FAM124A: variants seen among roughly 807,000 people sequenced by gnomAD.
The protein encoded by FAM124A is protein FAM124A.
Under a neutral mutation model 24.5 loss-of-function variants are expected in FAM124A, and 23 were observed. The observed-to-expected ratio is 0.94, with a 90% confidence interval of 0.68 to 1.33. FAM124A has a LOEUF of 1.33. Among genes scored for constraint, FAM124A ranks in the 40% most tolerant of loss-of-function variants. FAM124A has a pLI of 0.00. For missense variants in FAM124A, 623 were observed against 722.8 expected (o/e 0.86, Z 1.58); for synonymous variants, 287 against 314.7 (o/e 0.91, Z 0.93).
chr13:51,252,224 T>C (rs374283988), intron 3 of FAM124A, 23 bp downstream of exon 3: 61 of 1,605,966 alleles, frequency 3.8e-5, no homozygotes, highest in Middle Eastern at 1.7e-4. Flanking sequence ...CGCCTGTCTG[T>C]CTGTTTAGGG....
intron 2 of FAM124A, among the ~76,000 whole-genome samples, chr13:51,250,054 T>C (rs531481967): frequency 6.6e-6 from 1 of 152,354 alleles, no homozygotes; most frequent in Admixed American, 6.5e-5. Context: ...GCTGGACTGT[T>C]TTCAAGTGAG....
rs1282380984 is a variant in FAM124A at position 51,222,455 on chromosome 13, C to T, written c.-47C>T. 1.7e-6 allele frequency: 2 copies of T among 1,192,382 alleles called. No homozygotes were observed. The highest frequency in any genetic ancestry group is 1.0e-6 in the Non-Finnish European group (1 of 963,040). The allele number at this position is 1,192,382 out of a possible 1,614,324, so 73.9% of individuals were successfully genotyped here. A position where few individuals can be genotyped will look rare whatever the true frequency, so the allele number is the denominator to read the frequency against. ...TGGGCGGCCGGGAGGGAGGGCGCCC[C>T]GGGTCACGACGGCGCCCGCAAGCCG... is the stretch of plus-strand genomic sequence containing the variant. On this transcript the variant is annotated 5_prime_UTR_variant, in exon 1 of 4. Coordinates refer to ENST00000322475, the MANE Select transcript of FAM124A (RefSeq NM_001242312.2).
chr13:51,281,008 C>G lies in FAM124A; in HGVS notation c.1393C>G (p.Leu465Val). 6.2e-7 allele frequency: 1 copy of G among 1,614,176 alleles called. No homozygotes were observed. The highest frequency in any genetic ancestry group is 8.5e-7 in the Non-Finnish European group (1 of 1,180,018). The change falls in exon 4 of 4, where the codon CTG (leucine) becomes GTG (valine). Residue 465 changes from leucine to valine, a missense_variant. Transcript: ENST00000322475. ...TCACAAGGATTCCAGGGAGGGACCA[C>G]TGCCCACTGTCAGCAGGGTGACCAC... Reference protein sequence around the residue: ...AAHKDSREGPLPTVSRVTTEA... With the variant: ...AAHKDSREGPVPTVSRVTTEA...
chr13:51,264,532 G>A (rs1448756837), intron 3 of FAM124A, among the ~76,000 whole-genome samples: 4 of 152,090 alleles, frequency 2.6e-5, no homozygotes, highest in Admixed American at 6.5e-5. Flanking sequence ...GCTGAGGCAG[G>A]AAGATCACTT....
chr13:51,274,776 T>C (rs1038242276), intron 3 of FAM124A, among the ~76,000 whole-genome samples: 1 of 152,244 alleles, frequency 6.6e-6, no homozygotes, highest in African/African-American at 2.4e-5. Context: ...GTGCTTGCTA[T>C]GTACAAAACT....
rs1262191092 is a variant in FAM124A at position 51,284,207 on chromosome 13, G to T, written c.*2951G>T. On this transcript the variant is annotated 3_prime_UTR_variant, in exon 4 of 4. Coordinates refer to ENST00000322475, the MANE Select transcript of FAM124A (RefSeq NM_001242312.2). ...TCCTTGTAAAAGATGCTGGCACATT[G>T]TAGGTGCTCAATAAATGTGTTCAAT... The T allele has an allele frequency of 1.3e-5, 2 of 152,322 alleles. No homozygotes were observed. Among genetic ancestry groups the T allele is most frequent in the East Asian group, 3.9e-4 (2 of 5,190 alleles). 9.4% of individuals were successfully genotyped at this position (152,322 alleles called of 1,614,324 possible).
At chr13:51,263,145 G>A (rs1295722411) in intron 3 of FAM124A, among the ~76,000 whole-genome samples, 2 of 152,174 alleles carry the variant, frequency 1.3e-5, no homozygotes, top group African/African-American at 4.8e-5. Flanking sequence ...GGCCCTAAAG[G>A]GAGGTGGTAA....
Position 51,283,001 on chromosome 13 carries a change from T to C in FAM124A, c.*1745T>C, listed in dbSNP as rs902513576. On this transcript the variant is annotated 3_prime_UTR_variant, in exon 4 of 4. Transcript: ENST00000322475. Reference sequence around the variant, plus strand: ...ACTGTAGTATGAAAGCAGCCATGAGTAATATGTTAATGAATGGGAATGGCT... The same window carrying C: ...ACTGTAGTATGAAAGCAGCCATGAGCAATATGTTAATGAATGGGAATGGCT... 1.3e-5 allele frequency: 2 copies of C among 152,050 alleles called. No individual in the cohort carries two copies. Among genetic ancestry groups the C allele is most frequent in the African/African-American group, 2.4e-5 (1 of 41,390 alleles). The allele number at this position is 152,050 out of a possible 1,614,324, so 9.4% of individuals were successfully genotyped here.
intron 3 of FAM124A, among the ~76,000 whole-genome samples, chr13:51,270,311 T>C (rs1042157617): frequency 5.2e-5 from 8 of 152,384 alleles, no homozygotes; most frequent in Non-Finnish European, 7.3e-5. Context: ...CATCCCATCT[T>C]GTCTCTTAGT....
At chr13:51,226,552 G>A (rs1237805197) in intron 1 of FAM124A, among the ~76,000 whole-genome samples, 1 of 152,114 alleles carries the variant, frequency 6.6e-6, no homozygotes, top group Non-Finnish European at 1.5e-5. Context: ...CAAGGGGTAC[G>A]AGTTCCCGTT....
chr13:51,241,242 C>T (rs1425062519), intron 2 of FAM124A, among the ~76,000 whole-genome samples: 1 of 152,196 alleles, frequency 6.6e-6, no homozygotes, highest in East Asian at 1.9e-4. Context: ...GGCCCCAAGG[C>T]GATTAAGAAA....
intron 3 of FAM124A, among the ~76,000 whole-genome samples, chr13:51,268,338 C>G (rs1467641104): frequency 6.6e-6 from 1 of 152,140 alleles, no homozygotes; most frequent in African/African-American, 2.4e-5. Context: ...GAGGAAGTTT[C>G]CAGAACTTGG....
intron 1 of FAM124A, among the ~76,000 whole-genome samples, 185 bp downstream of exon 1, chr13:51,222,754 G>T (rs1219474030): frequency 6.6e-6 from 1 of 152,312 alleles, no homozygotes; most frequent in East Asian, 1.9e-4. Context: ...CACCACCCGG[G>T]GGGAGGAAAG....
At chr13:51,224,428 G>A (rs922069431) in intron 1 of FAM124A, among the ~76,000 whole-genome samples, 1 of 151,946 alleles carries the variant, frequency 6.6e-6, no homozygotes, top group East Asian at 1.9e-4. Flanking sequence ...CTGAGATCAC[G>A]CCATTGCACT....
intron 3 of FAM124A, among the ~76,000 whole-genome samples, chr13:51,276,799 G>A (rs1954889678): frequency 6.6e-6 from 1 of 152,136 alleles, no homozygotes; most frequent in Non-Finnish European, 1.5e-5. Context: ...TGTTAAAATG[G>A]CCATCACGGG....
chr13:51,225,020 G>A (rs1224274200), intron 1 of FAM124A: 1 of 152,176 alleles, frequency 6.6e-6, no homozygotes, highest in Non-Finnish European at 1.5e-5. Context: ...ATCTGCTAAG[G>A]CAGTGATCCT....
intron 3 of FAM124A, among the ~76,000 whole-genome samples, chr13:51,273,652 C>T (rs1954860096): frequency 6.6e-6 from 1 of 152,148 alleles, no homozygotes; most frequent in African/African-American, 2.4e-5. Flanking sequence ...GCATTATACC[C>T]TCAGTGCAAT....
intron 2 of FAM124A, among the ~76,000 whole-genome samples, chr13:51,243,306 T>G (rs1954520257): frequency 6.6e-6 from 1 of 152,204 alleles, no homozygotes; most frequent in Non-Finnish European, 1.5e-5. Flanking sequence ...TTCAAAGAAC[T>G]GGCTTCTAAA....
intron 3 of FAM124A, among the ~76,000 whole-genome samples, chr13:51,257,538 C>G (rs1326911450): frequency 6.6e-6 from 1 of 152,228 alleles, no homozygotes; most frequent in African/African-American, 2.4e-5. Flanking sequence ...GATCATGTCT[C>G]TTTCAAGATT....
Sources: allele counts gnomAD v4.1 joint callset (sites outside exome capture counted in the v4.1 genomes callset), GRCh38; gene constraint gnomAD v4.1.1; transcripts MANE v1.5; gene names NCBI Gene and HGNC (gene_info 2026-07-23, HGNC 2026-07-21).